The following POU6F1 variants were observed in gnomAD, a reference collection of about 807,000 sequenced individuals.
POU6F1 encodes the protein POU domain, class 6, transcription factor 1.
POU6F1 carries 9 observed loss-of-function variants against 28.9 expected under a neutral mutation model. The ratio of observed to expected loss-of-function variants is 0.31; its 90% CI spans 0.19 to 0.54. The LOEUF is 0.54. Among genes scored for constraint, POU6F1 ranks in the 20% least tolerant of loss-of-function variants. The pLI is 0.94. For missense variants in POU6F1, 338 were observed against 426.1 expected (o/e 0.79, Z 1.82); for synonymous variants, 173 against 171.1 (o/e 1.01, Z -0.09).
At position 51,204,362 on chromosome 12, in the gene POU6F1, C is replaced by T. The variant is rs1303958637; in HGVS notation, c.55G>A (p.Val19Met). 1 of 399,230 alleles carries T rather than the reference C, an allele frequency of 2.5e-6. No homozygotes were observed. The highest frequency in any genetic ancestry group is 3.6e-5 in the East Asian group (1 of 28,062). 24.7% of individuals were successfully genotyped at this position (399,230 alleles called of 1,614,324 possible). Residue 19 changes from valine to methionine, a missense_variant, in exon 3 of 11, where the codon GTG (valine) becomes ATG (methionine). By Grantham distance (21) the Val-to-Met change is conservative. This residue lies in a region of POU6F1 where 206 missense variants were observed against 225.6 expected (regional missense o/e 0.91). Transcript: ENST00000333640. ...CGGATGGTCTCATGACCTGACATCACGATGACCTGCAAGCAGAGGACAGGG... is the reference window on the plus strand; with the variant it reads ...CGGATGGTCTCATGACCTGACATCATGATGACCTGCAAGCAGAGGACAGGG... ...TSLTVNEQVI[V>M]MSGHETIRVL...
chr12:51,191,182 A>G (rs761984055), intron 10 of POU6F1, among the ~76,000 whole-genome samples: 2 of 152,190 alleles, frequency 1.3e-5, no homozygotes, highest in Non-Finnish European at 2.9e-5. Flanking sequence ...AAACTCAGCT[A>G]TGTTACTTTA....
chr12:51,198,157 C>G (rs948305753), intron 5 of POU6F1, 134 bp from the exon 6 acceptor site: 5 of 397,832 alleles, frequency 1.3e-5, no homozygotes, highest in African/African-American at 2.1e-5. Flanking sequence ...AGCCACGATT[C>G]CCTTGATCCT....
rs116607284 is a variant in POU6F1, at chr12:51,188,406, G to A, written c.*1841C>T. The A allele has an allele frequency of 2.6e-5, 4 of 152,320 alleles. No homozygotes were observed. The highest frequency in any genetic ancestry group is 7.2e-5 in the African/African-American group (3 of 41,566). The allele number at this position is 152,320 out of a possible 1,614,324, so 9.4% of individuals were successfully genotyped here. A position where few individuals can be genotyped will look rare whatever the true frequency, so the allele number is the denominator to read the frequency against. On this transcript the variant is annotated 3_prime_UTR_variant, in exon 11 of 11. Transcript: ENST00000333640. ...TGGAGACACGCTCTCCTGAAAAGCTGGGTCAGGCAAGCTGCCCACCTGCTT... is the reference window on the plus strand; with the variant it reads ...TGGAGACACGCTCTCCTGAAAAGCTAGGTCAGGCAAGCTGCCCACCTGCTT...
At chr12:51,201,950 C>T (rs1943245288) in intron 3 of POU6F1, 1 of 151,770 alleles carries the variant, frequency 6.6e-6, no homozygotes, top group East Asian at 1.9e-4. Context: ...ACCTCCACTT[C>T]CCAAGCTCAA....
chr12:51,196,101 C>G lies in POU6F1; in HGVS notation c.1048G>C (p.Val350Leu), dbSNP rs754520494. 2 of 1,598,454 alleles carry G rather than the reference C, an allele frequency of 1.3e-6. No individual in the cohort carries two copies. Among genetic ancestry groups the G allele is most frequent in the African/African-American group, 2.7e-5 (2 of 74,722 alleles). The change falls in exon 8 of 11, where the codon GTC becomes CTC. Residue 350 changes from valine (V) to leucine (L), a missense_variant. By Grantham distance (32) the Val-to-Leu change is conservative (BLOSUM62 1). Transcript: ENST00000333640. The part of the protein sequence containing the change: ...AAPAPAQSLQ[V>L]QAVTPQLLLN... ...AACAGCTGGGGGGTCACGGCCTGGA[C>G]CTGCAGGCTTTGGGCTGGTGCTGGG... is the stretch of plus-strand genomic sequence containing the variant.
In POU6F1 at chr12:51,196,108, G is replaced by T. The variant is rs752542581; in HGVS notation, c.1041C>A (p.Ser347Arg). Reference sequence around the variant, plus strand: ...GGGGGGTCACGGCCTGGACCTGCAGGCTTTGGGCTGGTGCTGGGGCCGCCA... The same window carrying T: ...GGGGGGTCACGGCCTGGACCTGCAGTCTTTGGGCTGGTGCTGGGGCCGCCA... ...ASVAAPAPAQSLQVQAVTPQL... is the reference protein window; with the variant it reads ...ASVAAPAPAQRLQVQAVTPQL... Residue 347 changes from serine (S) to arginine (R), a missense_variant, in exon 8 of 11, where the codon AGC (serine) becomes AGA (arginine). By Grantham distance (110) the Ser-to-Arg change is moderately radical (BLOSUM62 -1). This residue lies in a region of POU6F1 where 206 missense variants were observed against 225.6 expected (regional missense o/e 0.91). Transcript: ENST00000333640. 26 of 1,592,294 alleles carry T rather than the reference G, an allele frequency of 1.6e-5. No homozygotes were observed. In the Middle Eastern group the frequency reaches 6.9e-4, roughly 43 times the overall value.
chr12:51,198,641 T>G lies in POU6F1; in HGVS notation c.501A>C (p.Thr167=). 2 of 399,228 alleles carry G rather than the reference T, an allele frequency of 5.0e-6. No individual in the cohort carries two copies. Among genetic ancestry groups the G allele is most frequent in the East Asian group, 3.6e-5 (1 of 28,064 alleles). 24.7% of individuals were successfully genotyped at this position (399,228 alleles called of 1,614,324 possible). ...VAGQQGLAVW[T]IPTATVAALP... ...GGGCAGCCACAGTTGCTGTAGGAAT[T>G]GTCCACACGGCCAGCCCCTGCTGAC... Residue 167 remains threonine (T), a synonymous_variant, in exon 5 of 11, where the codon ACA becomes ACC. Transcript: ENST00000333640.
chr12:51,195,269 G>A (rs1341966847), intron 8 of POU6F1, among the ~76,000 whole-genome samples: 1 of 152,116 alleles, frequency 6.6e-6, no homozygotes, highest in East Asian at 1.9e-4. Flanking sequence ...GAGTAGCTGG[G>A]ACTACAGGTG....
At position 51,199,830 on chromosome 12, in the gene POU6F1, C is replaced by T; in HGVS notation, c.283G>A (p.Ala95Thr). 2.5e-6 allele frequency: 1 copy of T among 399,240 alleles called. No homozygotes were observed. Among genetic ancestry groups the T allele is most frequent in the South Asian group, 1.3e-4 (1 of 7,858 alleles). 24.7% of individuals were successfully genotyped at this position (399,240 alleles called of 1,614,324 possible). Reference sequence around the variant, plus strand: ...GGGGCTTGGCTGAAGGTGGCAATGGCAGTGGCAGGGCTCGGAGGGATCCCC... The same window carrying T: ...GGGGCTTGGCTGAAGGTGGCAATGGTAGTGGCAGGGCTCGGAGGGATCCCC... Reference protein sequence around the residue: ...PPGIPPSPATAIATFSQAPSQ... With the variant: ...PPGIPPSPATTIATFSQAPSQ... The change falls in exon 4 of 11, where the codon GCC becomes ACC. Residue 95 changes from alanine (A) to threonine (T), a missense_variant. Physicochemically the swap from Ala to Thr is moderately conservative, Grantham distance 58. Transcript: ENST00000333640. The surrounding 1 kb of genome is among the most constrained non-coding windows in gnomAD (Gnocchi z 4.1).
Position 51,187,838 on chromosome 12 carries a change from T to G in POU6F1, c.*2409A>C, listed in dbSNP as rs929557141. The G allele has an allele frequency of 6.6e-6, 1 of 152,198 alleles. No homozygotes were observed. Among genetic ancestry groups the G allele is most frequent in the African/African-American group, 2.4e-5 (1 of 41,446 alleles). The allele number at this position is 152,198 out of a possible 1,614,324, so 9.4% of individuals were successfully genotyped here. A position where few individuals can be genotyped will look rare whatever the true frequency, so the allele number is the denominator to read the frequency against. On this transcript the variant is annotated 3_prime_UTR_variant, in exon 11 of 11. Coordinates refer to ENST00000333640, the MANE Select transcript of POU6F1 (RefSeq NM_001330422.2). ...CACCACAGACACACCCTGGATTATG[T>G]GCTATTCCCAGGGTGCCAGCTGTGA...
At chr12:51,204,895 T>A (rs537842747) in intron 2 of POU6F1, among the ~76,000 whole-genome samples, 1 of 152,268 alleles carries the variant, frequency 6.6e-6, no homozygotes, top group East Asian at 1.9e-4. Flanking sequence ...GTAACTTCTA[T>A]CGCCCATGAT....
rs1942349253 is a variant in POU6F1 at position 51,190,731 on chromosome 12, C to T, written c.1491-139G>A. 6 of 1,315,160 alleles carry T rather than the reference C, an allele frequency of 4.6e-6. No individual in the cohort carries two copies. The highest frequency in any genetic ancestry group is 3.0e-5 in the South Asian group (2 of 66,960). 81.5% of individuals were successfully genotyped at this position (1,315,160 alleles called of 1,614,324 possible). A position where few individuals can be genotyped will look rare whatever the true frequency, so the allele number is the denominator to read the frequency against. On this transcript the variant is annotated intron_variant, in intron 10 of 10. Transcript: ENST00000333640. The surrounding 1 kb of genome is among the most constrained non-coding windows in gnomAD (Gnocchi z 4.5). ...GAGACTGTACCCAGTGCTCCCCTCA[C>T]CACCTCCACCAAGACCCCTCTAGTT...
intron 1 of POU6F1, among the ~76,000 whole-genome samples, chr12:51,209,368 G>A (rs1451280143): frequency 6.6e-6 from 1 of 152,220 alleles, no homozygotes; most frequent in Non-Finnish European, 1.5e-5. Context: ...GATATTTCAT[G>A]TAAATGGAAT....
intron 3 of POU6F1, among the ~76,000 whole-genome samples, chr12:51,201,275 G>C (rs1267305870): frequency 6.6e-6 from 1 of 152,074 alleles, no homozygotes; most frequent in Non-Finnish European, 1.5e-5. Flanking sequence ...GGTAGTTTAA[G>C]GAATTCAAGA....
intron 1 of POU6F1, among the ~76,000 whole-genome samples, chr12:51,207,917 G>T (rs1189990790): frequency 6.6e-6 from 1 of 152,126 alleles, no homozygotes; most frequent in African/African-American, 2.4e-5. Context: ...AGTGAGGAGT[G>T]GGTGAAGCCC....
chr12:51,207,014 TA>T (rs201377013), intron 1 of POU6F1, 131 bp from the exon 2 acceptor site: 76,928 of 328,596 alleles, frequency 0.23, 796 homozygotes, highest in East Asian at 0.34. Context: ...CTGTAGAGGT[TA>T]AAAAAAAAAA....
Position 51,196,896 on chromosome 12 carries a change from T to G in POU6F1, c.878A>C (p.Gln293Pro). The G allele has an allele frequency of 6.2e-7, 1 of 1,609,978 alleles. No individual in the cohort carries two copies. The highest frequency in any genetic ancestry group is 8.5e-7 in the Non-Finnish European group (1 of 1,176,418). ...AGCTGTAGTGAGGGACCCCAGGATC[T>G]GGGTCTGTCCCCCGAGGGAAGCAGC... ...ISAASLGGQT[Q>P]ILGSLTTAPV... Residue 293 changes from glutamine (Q) to proline (P), a missense_variant, in exon 7 of 11, where the codon CAG becomes CCG. Physicochemically the swap from Gln to Pro is moderately conservative, Grantham distance 76 (BLOSUM62 -1). Coordinates refer to ENST00000333640, the MANE Select transcript of POU6F1 (RefSeq NM_001330422.2).
In POU6F1 at chr12:51,217,358, G is replaced by A. The variant is rs991992579; in HGVS notation, c.-48+284C>T. 3.9e-4 allele frequency among the ~76,000 whole-genome samples: 59 copies of A among 152,104 alleles called. No individual in the cohort carries two copies. Among genetic ancestry groups the A allele is most frequent in the Middle Eastern group, 3.4e-3 (1 of 294 alleles). ...TCCCCACCGGGTCCACCTGGCGGCC[G>A]CCCCCTCCGCTCCAGGTCCAGAGCG... On this transcript the variant is annotated intron_variant, in intron 1 of 10. Transcript: ENST00000333640. The surrounding 1 kb of genome is among the most constrained non-coding windows in gnomAD (Gnocchi z 5.3).
rs566358600 is a variant in POU6F1 at position 51,196,062 on chromosome 12, C to T, written c.1087G>A (p.Gly363Ser). ...CTAGCCAGGGTCGCAATCACCTGGC[C>T]CTGGGCGTTCAACAACAGCTGGGGG... ...VTPQLLLNAQ[G>S]QVIATLASSP... Residue 363 changes from glycine (G) to serine (S), a missense_variant, in exon 8 of 11, where the codon GGC becomes AGC. Physicochemically the swap from Gly to Ser is moderately conservative, Grantham distance 56. Transcript: ENST00000333640. 1 of 1,609,098 alleles carries T rather than the reference C, an allele frequency of 6.2e-7. No individual in the cohort carries two copies. The highest frequency in any genetic ancestry group is 8.5e-7 in the Non-Finnish European group (1 of 1,178,398).
Sources: gnomAD v4.1 joint callset for allele counts (sites outside exome capture counted in the v4.1 genomes callset) on GRCh38, gnomAD v4.1.1 for gene constraint, gnomAD v4.1.1 regional missense constraint, Gnocchi (gnomAD v3.1) non-coding constraint, MANE v1.5 for transcripts, NCBI Gene and HGNC (gene_info 2026-07-23, HGNC 2026-07-21) for gene names.